TDRD3: variants seen among roughly 807,000 people sequenced by gnomAD.
TDRD3 encodes tudor domain-containing protein 3.
A neutral mutation model predicts 86.7 loss-of-function variants in TDRD3; 45 were observed. The ratio of observed to expected loss-of-function variants is 0.52; its 90% CI spans 0.41 to 0.67. The LOEUF (loss-of-function observed/expected upper bound fraction) is 0.67, where lower values mean the gene tolerates loss of function less well. TDRD3 is among the 30% of genes least tolerant of loss of function. The probability of loss-of-function intolerance (pLI) is 0.00; values close to 1 mark genes in which losing one functional copy is unlikely to be tolerated. For synonymous variants in TDRD3, 298 were observed against 301.7 expected, an observed-to-expected ratio of 0.99 and a Z score of 0.13; for missense variants, 814 against 889.0, an observed-to-expected ratio of 0.92 and a Z score of 1.07.
chr13:60,463,633 A>G (rs1330553892), intron 4 of TDRD3, among the ~76,000 whole-genome samples: 1 of 152,134 alleles, frequency 6.6e-6, no homozygotes, highest in Non-Finnish European at 1.5e-5. Flanking sequence ...ATTAATATCC[A>G]GAATATATAA....
Position 60,460,444 on chromosome 13 carries a change from A to C in TDRD3, c.257A>C (p.Glu86Ala). The C allele has an allele frequency of 5.0e-6, 8 of 1,605,670 alleles. No individual in the cohort carries two copies. The highest frequency in any genetic ancestry group is 6.8e-6 in the Non-Finnish European group (8 of 1,177,824). ...AATGTTGCTGCACCAAAGGATAATG[A>C]AGAATCTCAGGCTGCACCAAGGATG... Reference protein sequence around the residue: ...IRNVAAPKDNEESQAAPRMLR... With the variant: ...IRNVAAPKDNAESQAAPRMLR... Residue 86 changes from glutamate (E) to alanine (A), a missense_variant, in exon 4 of 14, where the codon GAA becomes GCA. Coordinates refer to ENST00000377881, the MANE Select transcript of TDRD3 (RefSeq NM_001146070.2).
chr13:60,531,133 T>TA (rs1193859905), intron 11 of TDRD3, among the ~76,000 whole-genome samples: 3 of 152,210 alleles, frequency 2.0e-5, no homozygotes, highest in Non-Finnish European at 2.9e-5. Flanking sequence ...GAGACAGCAC[T>TA]GGGTGTCTTT....
chr13:60,491,222 G>A (rs1029373407), intron 7 of TDRD3, among the ~76,000 whole-genome samples: 1 of 152,152 alleles, frequency 6.6e-6, no homozygotes, highest in Admixed American at 6.5e-5. Flanking sequence ...AGTGGAGCAG[G>A]TGTGAGGGGA....
chr13:60,440,690 A>T (rs1462001276), intron 2 of TDRD3, among the ~76,000 whole-genome samples: 1 of 152,170 alleles, frequency 6.6e-6, no homozygotes, highest in Non-Finnish European at 1.5e-5. Context: ...CAAAAAAAAA[A>T]GTAAGTAAAC....
At chr13:60,534,093 T>C (rs758147924) in intron 11 of TDRD3, among the ~76,000 whole-genome samples, 2 of 152,200 alleles carry the variant, frequency 1.3e-5, no homozygotes, top group Admixed American at 6.5e-5. Context: ...AGAAGATCAC[T>C]TGAGGCCAAG....
chr13:60,442,689 A>T (rs1955309088), intron 2 of TDRD3, among the ~76,000 whole-genome samples: 1 of 152,124 alleles, frequency 6.6e-6, no homozygotes, highest in South Asian at 2.1e-4. Context: ...TATGTATGGC[A>T]CTTTAGAAAT....
chr13:60,441,997 A>G (rs781415012), intron 2 of TDRD3, among the ~76,000 whole-genome samples: 6 of 152,234 alleles, frequency 3.9e-5, no homozygotes, highest in Non-Finnish European at 5.9e-5. Context: ...GTCCAAGTGC[A>G]AAGTCCCTAG....
intron 1 of TDRD3, among the ~76,000 whole-genome samples, chr13:60,418,223 C>T (rs1448272674): frequency 1.3e-5 from 2 of 152,040 alleles, no homozygotes; most frequent in African/African-American, 4.8e-5. Context: ...ATTTTATGTC[C>T]TGCCACTGTA....
intron 1 of TDRD3, among the ~76,000 whole-genome samples, chr13:60,425,082 A>G (rs1954767863): frequency 6.6e-6 from 1 of 152,222 alleles, no homozygotes; most frequent in South Asian, 2.1e-4. Flanking sequence ...AAATAGACAA[A>G]CCATTAGCTA....
intron 10 of TDRD3, among the ~76,000 whole-genome samples, chr13:60,517,185 CTT>C (rs59969075): frequency 7.0e-6 from 1 of 143,818 alleles, no homozygotes; most frequent in Non-Finnish European, 1.5e-5. Context: ...TTTGTTTTTG[CTT>C]TTTTTTTTTA....
intron 3 of TDRD3, among the ~76,000 whole-genome samples, chr13:60,459,863 C>T (rs1185650820): frequency 6.6e-6 from 1 of 152,112 alleles, no homozygotes; most frequent in Non-Finnish European, 1.5e-5. Flanking sequence ...TCAGGTAATC[C>T]ACCTGCCTCG....
chr13:60,549,420 G>C lies in TDRD3; in HGVS notation c.2118+14187G>C, dbSNP rs149533604. 5.0e-3 allele frequency among the ~76,000 whole-genome samples: 754 copies of C among 152,110 alleles called. 3 individuals are homozygous for C. The highest frequency in any genetic ancestry group is 0.024 in the Middle Eastern group (7 of 294). On this transcript the variant is annotated intron_variant, in intron 12 of 13. Coordinates refer to ENST00000377881, the MANE Select transcript of TDRD3 (RefSeq NM_001146070.2). Reference sequence around the variant, plus strand: ...TCAGCAAAATTCAGTATTGGAAAATGCCCTATAAAGCTGGTTTTAGCTTCT... The same window carrying C: ...TCAGCAAAATTCAGTATTGGAAAATCCCCTATAAAGCTGGTTTTAGCTTCT...
chr13:60,423,656 TAA>T (rs1954719841), intron 1 of TDRD3, among the ~76,000 whole-genome samples: 1 of 152,124 alleles, frequency 6.6e-6, no homozygotes, highest in East Asian at 1.9e-4. Flanking sequence ...ACCTAGAAAT[TAA>T]AAAGTTTGAC....
At chr13:60,543,621 T>C (rs1957867107) in intron 12 of TDRD3, among the ~76,000 whole-genome samples, 2 of 152,260 alleles carry the variant, frequency 1.3e-5, no homozygotes, top group South Asian at 4.1e-4. Flanking sequence ...GATTTATCTC[T>C]GGAATACATT....
chr13:60,573,602 T>G lies in TDRD3; in HGVS notation c.*10-14T>G, dbSNP rs1958637233. ...AGGCTTCAATTTCATTTTCTTCATT[T>G]CTTTTTAAAGTAGACTCTTTGTGAA... On this transcript the variant is annotated splice_polypyrimidine_tract_variant and intron_variant, in intron 13 of 13. Coordinates refer to ENST00000377881, the MANE Select transcript of TDRD3 (RefSeq NM_001146070.2). 2.0e-6 allele frequency: 2 copies of G among 985,310 alleles called. No individual in the cohort carries two copies. Among genetic ancestry groups the G allele is most frequent in the South Asian group, 9.4e-5 (2 of 21,294 alleles). The allele number at this position is 985,310 out of a possible 1,614,324, so 61.0% of individuals were successfully genotyped here. A position where few individuals can be genotyped will look rare whatever the true frequency, so the allele number is the denominator to read the frequency against.
chr13:60,556,346 C>T (rs1958183580), intron 12 of TDRD3, among the ~76,000 whole-genome samples: 1 of 152,090 alleles, frequency 6.6e-6, no homozygotes, highest in African/African-American at 2.4e-5. Context: ...TGACAAGTCA[C>T]CAAAATAACT....
chr13:60,396,914 C>T (rs1191184779), upstream of TDRD3: 1 of 153,722 alleles, frequency 6.5e-6, no homozygotes, highest in Non-Finnish European at 1.4e-5. Flanking sequence ...CCGTCAGTCT[C>T]CTCAGGCCTT....
intron 12 of TDRD3, among the ~76,000 whole-genome samples, chr13:60,541,146 ATTCTTTCTTTCTTTCT>A (rs138633350): frequency 4.3e-4 from 64 of 149,926 alleles, no homozygotes; most frequent in African/African-American, 1.3e-3. Context: ...TTGTTTTTCT[ATTCTTTCTTTCTTTCT>A]TTCTTTCTTT....
At chr13:60,475,543 C>T (rs1328806859) in intron 5 of TDRD3, among the ~76,000 whole-genome samples, 2 of 152,266 alleles carry the variant, frequency 1.3e-5, no homozygotes. Context: ...GTGAAGAGTG[C>T]TGCAATGAAC....
Sources: gnomAD v4.1 joint callset for allele counts (sites outside exome capture counted in the v4.1 genomes callset) on GRCh38, gnomAD v4.1.1 for gene constraint, MANE v1.5 for transcripts, NCBI Gene and HGNC (gene_info 2026-07-23, HGNC 2026-07-21) for gene names.